Variants in UBR1 observed in about 807,000 individuals in gnomAD.
UBR1 encodes E3 ubiquitin-protein ligase UBR1.
A neutral mutation model predicts 242.1 loss-of-function variants in UBR1; 102 were observed. That is an observed-to-expected ratio of 0.42 (90% CI 0.36 to 0.50). The LOEUF (loss-of-function observed/expected upper bound fraction) is 0.50. UBR1 is among the 20% of genes least tolerant of loss of function. UBR1 has a pLI of 0.01. For synonymous variants in UBR1, 675 were observed against 684.8 expected (o/e 0.99, Z 0.22); for missense variants, 1,772 against 2,101.8 (o/e 0.84, Z 3.07).
At chr15:42,984,853 A>T (rs2032435198) in intron 36 of UBR1, 34 bp downstream of exon 36, 1 of 1,581,266 alleles carries the variant, frequency 6.3e-7, no homozygotes. Context: ...AAGGCATGCC[A>T]TGAGTTACAT....
intron 44 of UBR1, among the ~76,000 whole-genome samples, chr15:42,952,717 T>C (rs1329188847): frequency 6.6e-6 from 1 of 152,200 alleles, no homozygotes; most frequent in Non-Finnish European, 1.5e-5. Flanking sequence ...AGTATGGTGG[T>C]TGAATATGCC....
intron 39 of UBR1, 106 bp downstream of exon 39, chr15:42,976,611 T>C (rs1296658217): frequency 1.4e-5 from 19 of 1,391,016 alleles, no homozygotes; most frequent in Non-Finnish European, 1.9e-5. Flanking sequence ...ACAAAAAACA[T>C]AACACAGAAC....
At chr15:42,970,853 G>T (rs1189415122) in intron 39 of UBR1, among the ~76,000 whole-genome samples, 3 of 151,972 alleles carry the variant, frequency 2.0e-5, no homozygotes, top group Admixed American at 2.0e-4. Flanking sequence ...TTCCCAACTA[G>T]CTGGGATTAC....
At chr15:43,038,018 T>C in intron 16 of UBR1, 135 bp from the exon 17 acceptor site, 1 of 1,181,114 alleles carries the variant, frequency 8.5e-7, no homozygotes, top group Non-Finnish European at 1.2e-6. Context: ...TAAGTCCCTG[T>C]GACTCAGATT....
Position 43,026,616 on chromosome 15 carries a change from GATTC to G in UBR1, c.2476_2479del (p.Glu826HisfsTer2). On this transcript the variant is annotated frameshift_variant, in exon 23 of 47. Coordinates refer to ENST00000290650, the MANE Select transcript of UBR1 (RefSeq NM_174916.3). LOFTEE classifies it high-confidence loss of function. Reference sequence around the variant, plus strand: ...AAAGTACATATTGAAGTCTTTCAGTGATTCATCTTTTAGTTCATAAACTCCATGG... The same window carrying G: ...AAAGTACATATTGAAGTCTTTCAGTGATCTTTTAGTTCATAAACTCCATGG... 1 of 1,613,284 alleles carries G rather than the reference GATTC, an allele frequency of 6.2e-7. No homozygotes were observed. Among genetic ancestry groups the G allele is most frequent in the Non-Finnish European group, 8.5e-7 (1 of 1,179,730 alleles).
chr15:43,092,742 C>A (rs1174581286), intron 1 of UBR1, among the ~76,000 whole-genome samples: 1 of 152,084 alleles, frequency 6.6e-6, no homozygotes, highest in East Asian at 1.9e-4. Context: ...TTAGTAGAAA[C>A]GGGGTTTCAC....
chr15:42,945,256 A>G lies in UBR1; in HGVS notation c.*73T>C. The G allele has an allele frequency of 1.2e-6, 2 of 1,609,728 alleles. No homozygotes were observed. Among genetic ancestry groups the G allele is most frequent in the South Asian group, 1.1e-5 (1 of 90,432 alleles). On this transcript the variant is annotated 3_prime_UTR_variant, in exon 47 of 47. Transcript: ENST00000290650. ...CCTCCAATACTTTCCCAGCCCTCAG[A>G]AAGTTTTCCATAATTTTGAATCAGC... is the stretch of plus-strand genomic sequence containing the variant.
chr15:43,014,608 G>A (rs1483884028), intron 29 of UBR1, among the ~76,000 whole-genome samples: 1 of 150,282 alleles, frequency 6.7e-6, no homozygotes, highest in South Asian at 2.1e-4. Context: ...CTGCCCAGCC[G>A]CCCCGTCTGA....
chr15:42,983,113 G>C (rs1301514965), intron 37 of UBR1, among the ~76,000 whole-genome samples: 2 of 152,140 alleles, frequency 1.3e-5, no homozygotes, highest in Non-Finnish European at 2.9e-5. Flanking sequence ...AGCTGTTATA[G>C]CCAGCCTGTC....
chr15:43,004,431 C>T (rs1462337790), intron 30 of UBR1, among the ~76,000 whole-genome samples: 1 of 152,062 alleles, frequency 6.6e-6, no homozygotes, highest in East Asian at 1.9e-4. Context: ...TTGTGAAAGC[C>T]GAGGCTGGAC....
intron 45 of UBR1, chr15:42,950,586 T>G: frequency 1.8e-6 from 1 of 548,444 alleles, no homozygotes; most frequent in Non-Finnish European, 3.3e-6. Context: ...GTGGATTTGG[T>G]GAAATGAGAT....
chr15:43,050,065 C>T (rs2033535611), intron 12 of UBR1, among the ~76,000 whole-genome samples: 1 of 152,140 alleles, frequency 6.6e-6, no homozygotes, highest in South Asian at 2.1e-4. Flanking sequence ...AATCCTCCTG[C>T]CTCAGCCTCC....
Position 43,073,576 on chromosome 15 carries a change from T to C in UBR1, c.528+1403A>G, listed in dbSNP as rs188633563. On this transcript the variant is annotated intron_variant, in intron 4 of 46. Transcript: ENST00000290650. ...ACTTCATTCCCTTTACCAATTTTAA[T>C]AGTAAGAAATTGATAGTACAGCTAC... 4.6e-5 allele frequency among the ~76,000 whole-genome samples: 7 copies of C among 152,356 alleles called. No homozygotes were observed. The East Asian group carries it at 9.6e-4, about 21-fold the overall frequency.
At chr15:43,072,803 T>C (rs570188281) in intron 4 of UBR1, among the ~76,000 whole-genome samples, 93 of 152,352 alleles carry the variant, frequency 6.1e-4, no homozygotes, top group African/African-American at 2.2e-3. Flanking sequence ...TATATTTATA[T>C]GGTGTATTAC....
At chr15:42,983,320 A>G (rs1250740567) in intron 37 of UBR1, among the ~76,000 whole-genome samples, 1 of 152,136 alleles carries the variant, frequency 6.6e-6, no homozygotes, top group East Asian at 1.9e-4. Context: ...AGGCAGGTAG[A>G]GAAACATAAG....
chr15:42,953,881 CTTT>C (rs542646568), intron 44 of UBR1, among the ~76,000 whole-genome samples: 16 of 132,668 alleles, frequency 1.2e-4, no homozygotes, highest in Admixed American at 2.3e-4. Flanking sequence ...ACTTGATATT[CTTT>C]TTTTTTTTTT....
chr15:43,002,776 C>T, intron 31 of UBR1, 72 bp from the exon 32 acceptor site: 2 of 1,600,340 alleles, frequency 1.2e-6, no homozygotes. Flanking sequence ...TCTACTTGCT[C>T]TAATCCAAGT....
Position 43,075,009 on chromosome 15 carries a change from A to G in UBR1, c.498T>C (p.His166=). 1 of 1,614,108 alleles carries G rather than the reference A, an allele frequency of 6.2e-7. No homozygotes were observed. Among genetic ancestry groups the G allele is most frequent in the Non-Finnish European group, 8.5e-7 (1 of 1,179,956 alleles). The change falls in exon 4 of 47, where the codon CAT becomes CAC. Residue 166 remains histidine (H), a synonymous_variant. Transcript: ENST00000290650. ...TTATAGTACCTGCTCTTCCAGGTTC[A>G]TGATTTACACAAAAAGGGCCAGTTT... The part of the protein sequence containing the change: ...AWKTGPFCVN[H]EPGRAGTIKE...
In UBR1 at chr15:43,037,205, G is replaced by A. The variant is rs569325236; in HGVS notation, c.2022+568C>T. Among the ~76,000 whole-genome samples the A allele has an allele frequency of 6.6e-5, 10 of 151,728 alleles. No homozygotes were observed. In the East Asian group the frequency reaches 1.4e-3, roughly 21 times the overall value. On this transcript the variant is annotated intron_variant, in intron 17 of 46. Transcript: ENST00000290650. ...TCTACTAAAAACACAAAAATTAGCC[G>A]GGCATAGTGGTGTATGTCTGTAGTC...
Sources: gnomAD v4.1 joint callset for allele counts (sites outside exome capture counted in the v4.1 genomes callset) on GRCh38, gnomAD v4.1.1 for gene constraint, MANE v1.5 for transcripts, NCBI Gene and HGNC (gene_info 2026-07-23, HGNC 2026-07-21) for gene names.